Variants in TDRD3 observed in about 807,000 individuals in gnomAD.
TDRD3 encodes tudor domain containing 3.
In TDRD3, 45 loss-of-function variants were observed where a neutral mutation model predicts 86.7. The observed-to-expected ratio is 0.52, with a 90% CI of 0.41 to 0.67. The LOEUF (loss-of-function observed/expected upper bound fraction) is 0.67. Among genes scored for constraint, TDRD3 ranks in the 30% least tolerant of loss-of-function variants. TDRD3 has a pLI of 0.00. For synonymous variants in TDRD3, 298 were observed against 301.7 expected, an observed-to-expected ratio of 0.99 and a Z score of 0.13; for missense variants, 814 against 889.0, an observed-to-expected ratio of 0.92 and a Z score of 1.07.
intron 8 of TDRD3, among the ~76,000 whole-genome samples, chr13:60,502,774 A>G (rs1956860709): frequency 6.6e-6 from 1 of 152,186 alleles, no homozygotes; most frequent in Non-Finnish European, 1.5e-5. Context: ...AGTTCTCTCC[A>G]TGGGAATTTT....
At position 60,507,472 on chromosome 13, in the gene TDRD3, C is replaced by T. The variant is rs12584671; in HGVS notation, c.859-2291C>T. 4.8e-4 allele frequency among the ~76,000 whole-genome samples: 73 copies of T among 152,024 alleles called. No homozygotes were observed. In the East Asian group the frequency reaches 0.01, roughly 21 times the overall value. On this transcript the variant is annotated intron_variant, in intron 8 of 13. Transcript: ENST00000377881. ...ACACTCCTCAGCAAATGCAAAAGAACGAAAATAATAACAGTCTGTCAGACC... is the reference window on the plus strand; with the variant it reads ...ACACTCCTCAGCAAATGCAAAAGAATGAAAATAATAACAGTCTGTCAGACC...
At chr13:60,571,676 G>C (rs544803301) in intron 13 of TDRD3, among the ~76,000 whole-genome samples, 9 of 152,100 alleles carry the variant, frequency 5.9e-5, no homozygotes, top group Non-Finnish European at 1.3e-4. Flanking sequence ...ATTGTAATTT[G>C]CACATTCTTT....
chr13:60,528,639 A>G lies in TDRD3; in HGVS notation c.1414A>G (p.Arg472Gly). Reference sequence around the variant, plus strand: ...GGCTGAAGACAGAATCAAATGTGATAGACCGTATTCTAGATATGACAGAAC... The same window carrying G: ...GGCTGAAGACAGAATCAAATGTGATGGACCGTATTCTAGATATGACAGAAC... The part of the protein sequence containing the change: ...VWAEDRIKCD[R>G]PYSRYDRTKD... Residue 472 changes from arginine (R) to glycine (G), a missense_variant, in exon 11 of 14, where the codon AGA (arginine) becomes GGA (glycine). Arg to Gly is a moderately radical substitution (Grantham distance 125, BLOSUM62 -2). Coordinates refer to ENST00000377881, the MANE Select transcript of TDRD3 (RefSeq NM_001146070.2). The G allele has an allele frequency of 6.2e-7, 1 of 1,614,038 alleles. No homozygotes were observed. Among genetic ancestry groups the G allele is most frequent in the Non-Finnish European group, 8.5e-7 (1 of 1,179,928 alleles).
At chr13:60,558,260 T>C (rs7990175) in intron 12 of TDRD3, among the ~76,000 whole-genome samples, 3,023 of 152,330 alleles carry the variant, frequency 0.02, 113 homozygotes, top group African/African-American at 0.069. Flanking sequence ...GATATAATCA[T>C]TGCTCTCAGA....
At chr13:60,565,223 T>A (rs1023528451) in intron 12 of TDRD3, among the ~76,000 whole-genome samples, 2 of 150,728 alleles carry the variant, frequency 1.3e-5, no homozygotes, top group Non-Finnish European at 3.0e-5. Flanking sequence ...GCCCGGCTAA[T>A]TTTTTGTATT....
chr13:60,449,061 G>T (rs1338464801), intron 3 of TDRD3, among the ~76,000 whole-genome samples: 1 of 151,916 alleles, frequency 6.6e-6, no homozygotes, highest in East Asian at 1.9e-4. Context: ...AGGAGTGACT[G>T]GTCTCAAAAC....
At chr13:60,521,069 T>G (rs764267983) in intron 10 of TDRD3, among the ~76,000 whole-genome samples, 1 of 152,248 alleles carries the variant, frequency 6.6e-6, no homozygotes, top group Non-Finnish European at 1.5e-5. Context: ...TGTTCTCTAG[T>G]GCAAATCAGA....
At chr13:60,534,720 G>A (rs1957660822) in intron 11 of TDRD3, among the ~76,000 whole-genome samples, 1 of 151,936 alleles carries the variant, frequency 6.6e-6, no homozygotes, top group African/African-American at 2.4e-5. Flanking sequence ...GAGCTCAGGA[G>A]TTTGAGACCA....
At chr13:60,413,849 A>G (rs1440464063) in intron 1 of TDRD3, among the ~76,000 whole-genome samples, 1 of 152,112 alleles carries the variant, frequency 6.6e-6, no homozygotes, top group African/African-American at 2.4e-5. Flanking sequence ...ATAATCTTAT[A>G]AATATTAGTG....
At position 60,460,369 on chromosome 13, in the gene TDRD3, T is replaced by C; in HGVS notation, c.193-11T>C. On this transcript the variant is annotated splice_polypyrimidine_tract_variant and intron_variant, in intron 3 of 13. Coordinates refer to ENST00000377881, the MANE Select transcript of TDRD3 (RefSeq NM_001146070.2). The stretch of plus-strand genomic sequence containing the variant: ...CTAGAAAGTGATTTTTATTCTTTTC[T>C]GTTTTGACAGCTCGAAGGTCCATGT... 1 of 1,583,474 alleles carries C rather than the reference T, an allele frequency of 6.3e-7. No individual in the cohort carries two copies. Among genetic ancestry groups the C allele is most frequent in the Non-Finnish European group, 8.5e-7 (1 of 1,169,996 alleles).
At position 60,510,657 on chromosome 13, in the gene TDRD3, G is replaced by T. The variant is rs888064212; in HGVS notation, c.1043G>T (p.Arg348Ile). The change falls in exon 10 of 14, where the codon AGA (arginine) becomes ATA (isoleucine). Residue 348 changes from arginine to isoleucine, a missense_variant. Coordinates refer to ENST00000377881, the MANE Select transcript of TDRD3 (RefSeq NM_001146070.2). ...AGAGGAAAAGGCAGGGGGCGAATAA[G>T]ATCTGAAGATGAAGAGGACCTGGGA... Reference protein sequence around the residue: ...RGRGKGRGRIRSEDEEDLGNA... With the variant: ...RGRGKGRGRIISEDEEDLGNA... 3.1e-6 allele frequency: 5 copies of T among 1,604,280 alleles called. No individual in the cohort carries two copies. Among genetic ancestry groups the T allele is most frequent in the Non-Finnish European group, 4.3e-6 (5 of 1,175,378 alleles).
chr13:60,517,416 T>G (rs1775288943), intron 10 of TDRD3, among the ~76,000 whole-genome samples: 2 of 152,212 alleles, frequency 1.3e-5, no homozygotes, highest in Admixed American at 6.5e-5. Flanking sequence ...TTGACTATTA[T>G]GTATATTTAT....
intron 7 of TDRD3, among the ~76,000 whole-genome samples, chr13:60,486,269 G>A (rs896115113): frequency 2.0e-5 from 3 of 151,934 alleles, no homozygotes; most frequent in African/African-American, 7.2e-5. Flanking sequence ...TTTCCTATTA[G>A]TAGTTGGGCT....
chr13:60,519,912 A>G (rs1425038754), intron 10 of TDRD3, among the ~76,000 whole-genome samples: 3 of 152,152 alleles, frequency 2.0e-5, no homozygotes, highest in Admixed American at 6.5e-5. Context: ...TGCATTTTAC[A>G]TGGGACTAAA....
chr13:60,496,631 A>G (rs1956725212), intron 8 of TDRD3, among the ~76,000 whole-genome samples: 1 of 152,068 alleles, frequency 6.6e-6, no homozygotes, highest in Non-Finnish European at 1.5e-5. Flanking sequence ...GACTCTATAC[A>G]TAATACCTTT....
At chr13:60,487,472 A>G (rs1212635973) in intron 7 of TDRD3, among the ~76,000 whole-genome samples, 4 of 152,146 alleles carry the variant, frequency 2.6e-5, no homozygotes, top group Non-Finnish European at 4.4e-5. Flanking sequence ...GTGAAACTCC[A>G]TCTCAAAAAA....
At chr13:60,461,594 C>T (rs1955804867) in intron 4 of TDRD3, among the ~76,000 whole-genome samples, 1 of 152,110 alleles carries the variant, frequency 6.6e-6, no homozygotes, top group Non-Finnish European at 1.5e-5. Context: ...TTAATATAAA[C>T]TTGTATACCA....
At chr13:60,424,360 C>G (rs1423419109) in intron 1 of TDRD3, among the ~76,000 whole-genome samples, 2 of 151,436 alleles carry the variant, frequency 1.3e-5, no homozygotes, top group Non-Finnish European at 2.9e-5. Context: ...TTATAAATCA[C>G]AGAAAAAAAT....
chr13:60,547,281 A>T, intron 12 of TDRD3: 4 of 985,354 alleles, frequency 4.1e-6, no homozygotes, highest in Non-Finnish European at 4.8e-6. Context: ...TTTATCCTGA[A>T]AGGATTTGGT....
Sources: gnomAD v4.1 joint callset for allele counts (sites outside exome capture counted in the v4.1 genomes callset) on GRCh38, gnomAD v4.1.1 for gene constraint, MANE v1.5 for transcripts, NCBI Gene and HGNC (gene_info 2026-07-23, HGNC 2026-07-21) for gene names.